Variants in CLIC4 observed in about 807,000 individuals in gnomAD.
The protein encoded by CLIC4 is chloride intracellular channel protein 4.
Under a neutral mutation model 24.6 loss-of-function variants are expected in CLIC4, and 13 were observed. The observed-to-expected ratio is 0.53, with a 90% CI of 0.34 to 0.84. The LOEUF is 0.84. CLIC4 is among the 40% of genes least tolerant of loss of function. CLIC4 has a pLI of 0.01. For missense variants in CLIC4, 227 were observed against 301.7 expected, an observed-to-expected ratio of 0.75 and a Z score of 1.83; for synonymous variants, 104 against 111.3, an observed-to-expected ratio of 0.93 and a Z score of 0.41.
intron 2 of CLIC4, among the ~76,000 whole-genome samples, chr1:24,813,039 TTTCTTTC>T (rs1639630481): frequency 7.8e-6 from 1 of 128,904 alleles, no homozygotes; most frequent in Non-Finnish European, 1.6e-5. Context: ...TCTTTCTTTC[TTTCTTTC>T]TTTTTTTTTT....
At chr1:24,771,848 T>C (rs2124102322) in intron 1 of CLIC4, 2 of 514,954 alleles carry the variant, frequency 3.9e-6, no homozygotes, top group Non-Finnish European at 3.9e-6. Context: ...CAGGTTCAAG[T>C]CCTATGTGTA....
intron 2 of CLIC4, among the ~76,000 whole-genome samples, chr1:24,811,290 C>T (rs1041419062): frequency 2.0e-5 from 3 of 152,030 alleles, no homozygotes; most frequent in African/African-American, 7.2e-5. Flanking sequence ...ATATCTTGTA[C>T]CAAGTAGCCA....
chr1:24,777,031 T>A (rs1639150071), intron 1 of CLIC4, among the ~76,000 whole-genome samples: 1 of 152,252 alleles, frequency 6.6e-6, no homozygotes, highest in South Asian at 2.1e-4. Context: ...TATTTTTGTC[T>A]TTCTGCTAAA....
At chr1:24,748,080 T>C (rs1557791881) in intron 1 of CLIC4, among the ~76,000 whole-genome samples, 1 of 151,976 alleles carries the variant, frequency 6.6e-6, no homozygotes, top group South Asian at 2.1e-4. Flanking sequence ...TTCAGTATTC[T>C]ATTATTCTAT....
chr1:24,831,964 G>A (rs373219541), intron 4 of CLIC4, among the ~76,000 whole-genome samples: 1 of 152,074 alleles, frequency 6.6e-6, no homozygotes, highest in African/African-American at 2.4e-5. Flanking sequence ...TTAATAAGAA[G>A]CATATTAACT....
chr1:24,819,893 C>T (rs927044936), intron 3 of CLIC4, among the ~76,000 whole-genome samples: 3 of 149,192 alleles, frequency 2.0e-5, no homozygotes, highest in African/African-American at 7.4e-5. Context: ...GTGCCCGCCA[C>T]CATGCCCTGC....
chr1:24,826,720 A>G (rs1468063929), intron 3 of CLIC4, among the ~76,000 whole-genome samples: 1 of 152,220 alleles, frequency 6.6e-6, no homozygotes, highest in Non-Finnish European at 1.5e-5. Context: ...CCTGGCAGAA[A>G]TCTCTGAACA....
intron 1 of CLIC4, among the ~76,000 whole-genome samples, chr1:24,753,601 G>A (rs979762764): frequency 4.6e-5 from 7 of 152,236 alleles, no homozygotes; most frequent in African/African-American, 1.4e-4. Flanking sequence ...TGATACCTAA[G>A]AAGGAACCAG....
At chr1:24,820,079 G>A (rs7516140) in intron 3 of CLIC4, among the ~76,000 whole-genome samples, 32,581 of 44,542 alleles carry the variant, frequency 0.73, 10,869 homozygotes, top group Non-Finnish European at 0.76. Flanking sequence ...ATATATATAT[G>A]TATATATATA....
intron 2 of CLIC4, among the ~76,000 whole-genome samples, chr1:24,804,247 C>G (rs979104383): frequency 6.6e-6 from 1 of 151,858 alleles, no homozygotes; most frequent in Non-Finnish European, 1.5e-5. Context: ...CATTTTTCCC[C>G]TTTGTAAAGT....
intron 1 of CLIC4, among the ~76,000 whole-genome samples, chr1:24,789,305 G>A (rs75435098): frequency 1.3e-5 from 2 of 152,182 alleles, no homozygotes; most frequent in African/African-American, 4.8e-5. Context: ...ATCACTTGAG[G>A]TCAGGAGTTC....
At chr1:24,788,774 C>G (rs1331507456) in intron 1 of CLIC4, among the ~76,000 whole-genome samples, 1 of 152,202 alleles carries the variant, frequency 6.6e-6, no homozygotes, top group Non-Finnish European at 1.5e-5. Flanking sequence ...ATATTCCTGA[C>G]TTGGAGCTAA....
intron 3 of CLIC4, among the ~76,000 whole-genome samples, chr1:24,818,771 A>C (rs1302650120): frequency 6.6e-6 from 1 of 151,352 alleles, no homozygotes; most frequent in African/African-American, 2.4e-5. Flanking sequence ...TGGAATCAGG[A>C]AAGGCTTTAG....
intron 1 of CLIC4, among the ~76,000 whole-genome samples, chr1:24,763,770 C>T (rs1352582921): frequency 1.3e-5 from 2 of 152,110 alleles, no homozygotes; most frequent in African/African-American, 4.8e-5. Context: ...TCCTGTAAAT[C>T]TCCATTTAAA....
chr1:24,788,958 C>T (rs1167489140), intron 1 of CLIC4, among the ~76,000 whole-genome samples: 2 of 152,220 alleles, frequency 1.3e-5, no homozygotes, highest in African/African-American at 4.8e-5. Context: ...CCATCCTCAC[C>T]ATGCCAGCAA....
intron 1 of CLIC4, among the ~76,000 whole-genome samples, chr1:24,749,168 A>G (rs1399239762): frequency 1.3e-5 from 2 of 151,694 alleles, no homozygotes; most frequent in Non-Finnish European, 2.9e-5. Flanking sequence ...GAGCCGAGAT[A>G]GTGCCACTGC....
intron 4 of CLIC4, among the ~76,000 whole-genome samples, chr1:24,829,315 AG>A (rs1476909910): frequency 6.6e-6 from 1 of 152,216 alleles, no homozygotes; most frequent in Non-Finnish European, 1.5e-5. Flanking sequence ...CTGAAATAGA[AG>A]GGCTAGTGGT....
chr1:24,794,319 G>GT (rs1639372291), intron 1 of CLIC4, among the ~76,000 whole-genome samples: 1 of 146,996 alleles, frequency 6.8e-6, no homozygotes, highest in Admixed American at 6.8e-5. Context: ...AGCGTATAGT[G>GT]TTCCCTTTTC....
intron 1 of CLIC4, among the ~76,000 whole-genome samples, chr1:24,777,133 G>A (rs1394991326): frequency 6.6e-6 from 1 of 152,132 alleles, no homozygotes; most frequent in Non-Finnish European, 1.5e-5. Flanking sequence ...TGTGTATTTT[G>A]TATTTCTTCC....
Sources: gnomAD v4.1 joint callset for allele counts (sites outside exome capture counted in the v4.1 genomes callset) on GRCh38, gnomAD v4.1.1 for gene constraint, MANE v1.5 for transcripts, NCBI Gene and HGNC (gene_info 2026-07-23, HGNC 2026-07-21) for gene names.